The following IRF2 variants were observed in gnomAD, a reference collection of about 807,000 sequenced individuals.
IRF2 encodes the protein interferon regulatory factor 2.
Under a neutral mutation model 40.6 loss-of-function variants are expected in IRF2, and 15 were observed. The ratio of observed to expected loss-of-function variants is 0.37; its 90% CI spans 0.25 to 0.57. The LOEUF is 0.57. Ranked by LOEUF, IRF2 falls within the 20% of genes least tolerant of loss-of-function variation. The pLI, the probability that IRF2 is intolerant of heterozygous loss-of-function variation, is 0.77. For missense variants in IRF2, 317 were observed against 455.7 expected (o/e 0.70, Z 2.77); for synonymous variants, 151 against 165.5 (o/e 0.91, Z 0.67).
chr4:184,434,605 G>A (rs1453106184), intron 1 of IRF2, among the ~76,000 whole-genome samples: 1 of 152,174 alleles, frequency 6.6e-6, no homozygotes, highest in Non-Finnish European at 1.5e-5. Context: ...GAGATTTGAG[G>A]CTGGGACTGG....
At chr4:184,417,916 C>T (rs1016295955) in intron 5 of IRF2, among the ~76,000 whole-genome samples, 1 of 152,204 alleles carries the variant, frequency 6.6e-6, no homozygotes, top group African/African-American at 2.4e-5. Context: ...GAGGCCTCAG[C>T]CTGCCGAGCA....
Position 184,388,863 on chromosome 4 carries a change from G to A in IRF2, c.945C>T (p.Ser315=). 5 of 1,614,120 alleles carry A rather than the reference G, an allele frequency of 3.1e-6. No homozygotes were observed. The highest frequency in any genetic ancestry group is 4.2e-6 in the Non-Finnish European group (5 of 1,180,034). ...WPPFQDLPLS[S]SMTPASSSSR... ...TGCTGCTGGATGCTGGGGTCATGGAGGAAGAAAGGGGGAGGTCTTGAAAAG... is the reference window on the plus strand; with the variant it reads ...TGCTGCTGGATGCTGGGGTCATGGAAGAAGAAAGGGGGAGGTCTTGAAAAG... The change falls in exon 9 of 9, where the codon TCC becomes TCT. Residue 315 remains serine (S), a synonymous_variant. Coordinates refer to ENST00000393593, the MANE Select transcript of IRF2 (RefSeq NM_002199.4). This position sits in a 1 kb window ranked among gnomAD's most constrained non-coding sequence, Gnocchi z 4.6.
chr4:184,444,988 G>A (rs942577227), intron 1 of IRF2, among the ~76,000 whole-genome samples: 53 of 152,292 alleles, frequency 3.5e-4, no homozygotes, highest in African/African-American at 8.7e-4. Flanking sequence ...AGGACCACGC[G>A]CAAACTTCCA....
chr4:184,394,809 T>G (rs1167824244), intron 7 of IRF2, among the ~76,000 whole-genome samples: 1 of 152,190 alleles, frequency 6.6e-6, no homozygotes, highest in Non-Finnish European at 1.5e-5. Context: ...GGGGTCACTT[T>G]GTAATGCACC....
At chr4:184,394,162 T>A (rs1287488515) in intron 7 of IRF2, among the ~76,000 whole-genome samples, 1 of 152,066 alleles carries the variant, frequency 6.6e-6, no homozygotes, top group Non-Finnish European at 1.5e-5. Context: ...AACAGGCACA[T>A]GAGTAATTCA....
intron 2 of IRF2, among the ~76,000 whole-genome samples, chr4:184,427,314 C>T (rs113358482): frequency 6.6e-6 from 1 of 152,206 alleles, no homozygotes; most frequent in East Asian, 1.9e-4. Context: ...TAGTGCCTCA[C>T]CTTGTTTCAG....
At chr4:184,411,874 C>T (rs1461627637) in intron 5 of IRF2, among the ~76,000 whole-genome samples, 1 of 151,930 alleles carries the variant, frequency 6.6e-6, no homozygotes, top group Non-Finnish European at 1.5e-5. Flanking sequence ...CATAACCTGG[C>T]CCGGTTAATC....
At chr4:184,398,756 A>G (rs1259333106) in intron 7 of IRF2, among the ~76,000 whole-genome samples, 159 bp downstream of exon 7, 2 of 152,224 alleles carry the variant, frequency 1.3e-5, no homozygotes, top group African/African-American at 4.8e-5. Flanking sequence ...AGTGTCCAAG[A>G]AGATGTTGAT....
intron 6 of IRF2, among the ~76,000 whole-genome samples, chr4:184,406,387 G>T (rs1202334217): frequency 6.6e-6 from 1 of 151,850 alleles, no homozygotes; most frequent in Non-Finnish European, 1.5e-5. Flanking sequence ...CTGCCACCAC[G>T]CCCAGCTAAT....
chr4:184,453,451 G>A (rs1345791052), intron 1 of IRF2, among the ~76,000 whole-genome samples: 1 of 152,232 alleles, frequency 6.6e-6, no homozygotes, highest in Non-Finnish European at 1.5e-5. Context: ...TATGGAAAAC[G>A]GGAAAAGAAG....
intron 1 of IRF2, among the ~76,000 whole-genome samples, chr4:184,451,316 A>T (rs1738706601): frequency 6.6e-6 from 1 of 152,200 alleles, no homozygotes. Flanking sequence ...ATACATGCAA[A>T]AGTCCAAAGT....
chr4:184,467,497 G>T (rs1739369811), intron 1 of IRF2, among the ~76,000 whole-genome samples: 1 of 152,094 alleles, frequency 6.6e-6, no homozygotes, highest in South Asian at 2.1e-4. Context: ...TAGATCTAGG[G>T]TAAAAAGGAC....
At chr4:184,416,328 C>CCAAAAAAAAAA (rs1737268703) in intron 5 of IRF2, among the ~76,000 whole-genome samples, 1 of 100,174 alleles carries the variant, frequency 1.0e-5, no homozygotes, top group Non-Finnish European at 2.0e-5. Context: ...AAAAAAAAAA[C>CCAAAAAAAAAA]AAAAAAAAAA....
chr4:184,445,199 G>A (rs1178635367), intron 1 of IRF2, among the ~76,000 whole-genome samples: 4 of 152,190 alleles, frequency 2.6e-5, no homozygotes, highest in Non-Finnish European at 5.9e-5. Context: ...TGGGGGGCGG[G>A]GGTGTGCCCC....
chr4:184,395,877 T>A (rs1216941763), intron 7 of IRF2, among the ~76,000 whole-genome samples: 1 of 152,234 alleles, frequency 6.6e-6, no homozygotes, highest in African/African-American at 2.4e-5. Flanking sequence ...TTCATTTCTC[T>A]CTGCATGGAT....
At chr4:184,440,056 T>C (rs1296897761) in intron 1 of IRF2, among the ~76,000 whole-genome samples, 2 of 152,228 alleles carry the variant, frequency 1.3e-5, no homozygotes, top group African/African-American at 2.4e-5. Flanking sequence ...GGCAGTTCCC[T>C]AGGCAGATGT....
intron 5 of IRF2, among the ~76,000 whole-genome samples, chr4:184,411,107 G>C (rs1055009870): frequency 6.7e-6 from 1 of 150,074 alleles, no homozygotes; most frequent in African/African-American, 2.5e-5. Flanking sequence ...ACCCAGGCTA[G>C]AGTGCAATGG....
In IRF2 at chr4:184,459,119, G is replaced by T. The variant is rs975173450; in HGVS notation, c.-7+15260C>A. ...TGAAGAACTCTAAGGCTTTTTTCAT[G>T]AGTCCCAAGCAGACAGAGCAGCCGC... On this transcript the variant is annotated intron_variant, in intron 1 of 8. Transcript: ENST00000393593. 5.3e-5 allele frequency among the ~76,000 whole-genome samples: 8 copies of T among 151,746 alleles called. No individual in the cohort carries two copies. In the South Asian group the frequency reaches 1.7e-3, roughly 31 times the overall value.
intron 1 of IRF2, among the ~76,000 whole-genome samples, chr4:184,447,984 G>C (rs1468235700): frequency 6.6e-6 from 1 of 152,208 alleles, no homozygotes; most frequent in Non-Finnish European, 1.5e-5. Flanking sequence ...TGATGGCCGT[G>C]CCAGGGTCTC....
Sources: allele counts gnomAD v4.1 joint callset (sites outside exome capture counted in the v4.1 genomes callset), GRCh38; gene constraint gnomAD v4.1.1; non-coding constraint Gnocchi (gnomAD v3.1); transcripts MANE v1.5; gene names NCBI Gene and HGNC (gene_info 2026-07-23, HGNC 2026-07-21).